Variants in PDE4B observed in about 807,000 individuals in gnomAD.
The protein encoded by PDE4B is 3',5'-cyclic-AMP phosphodiesterase 4B.
A neutral mutation model predicts 82.2 loss-of-function variants in PDE4B; 20 were observed. The ratio of observed to expected loss-of-function variants is 0.24; its 90% CI spans 0.17 to 0.35. PDE4B has a LOEUF of 0.35. PDE4B is among the 10% of genes least tolerant of loss of function. The probability of loss-of-function intolerance (pLI) is 1.00; values close to 1 mark genes in which losing one functional copy is unlikely to be tolerated. For missense variants in PDE4B, 655 were observed against 907.2 expected, an observed-to-expected ratio of 0.72 and a Z score of 3.57; for synonymous variants, 320 against 318.9, an observed-to-expected ratio of 1.00 and a Z score of -0.04.
At chr1:66,264,863 C>A (rs1654922851) in intron 6 of PDE4B, among the ~76,000 whole-genome samples, 2 of 152,108 alleles carry the variant, frequency 1.3e-5, no homozygotes, top group African/African-American at 4.8e-5. Flanking sequence ...CAAGAGAATG[C>A]AAAAAGAAGT....
At position 66,222,770 on chromosome 1, in the gene PDE4B, CTGACA is replaced by C. The variant is rs1651098766; in HGVS notation, c.282-24688_282-24684del. On this transcript the variant is annotated intron_variant, in intron 3 of 16. Transcript: ENST00000341517. ...TAAAAATATGCTCCCAGTTTAGTTC[CTGACA>C]TAAGAATAGACGCTCAAGAAATGTG... 5.3e-5 allele frequency among the ~76,000 whole-genome samples: 8 copies of C among 152,242 alleles called. No homozygotes were observed. In the South Asian group the frequency reaches 1.7e-3, roughly 32 times the overall value.
At chr1:66,126,911 C>G (rs1443799256) in intron 3 of PDE4B, among the ~76,000 whole-genome samples, 1 of 152,190 alleles carries the variant, frequency 6.6e-6, no homozygotes, top group Non-Finnish European at 1.5e-5. Context: ...ACAGGATATA[C>G]TTCAAGCGTG....
intron 3 of PDE4B, among the ~76,000 whole-genome samples, chr1:66,082,093 TTA>T (rs1656771330): frequency 6.6e-6 from 1 of 151,972 alleles, no homozygotes; most frequent in South Asian, 2.1e-4. Context: ...CAGAGGAGCA[TTA>T]AAACAAAGGA....
chr1:66,339,036 A>G (rs929035348), intron 8 of PDE4B, among the ~76,000 whole-genome samples: 5 of 151,716 alleles, frequency 3.3e-5, no homozygotes, highest in South Asian at 2.1e-4. Context: ...AAAAAAAAAA[A>G]AGAGATAAGT....
intron 1 of PDE4B, among the ~76,000 whole-genome samples, chr1:65,910,003 A>C (rs1199397290): frequency 6.6e-6 from 1 of 152,208 alleles, no homozygotes; most frequent in Non-Finnish European, 1.5e-5. Flanking sequence ...GTGATAGGTT[A>C]ATAGTCTTGG....
Position 66,266,080 on chromosome 1 carries a change from C to T in PDE4B, c.627C>T (p.Asn209=), listed in dbSNP as rs753684823. The T allele has an allele frequency of 3.7e-6, 6 of 1,611,414 alleles. No homozygotes were observed. ...GTCAGCCTCCTGTCTCCAGAGTCAACCCACAAGGTAGGCCATGTCATAAGG... is the reference window on the plus strand; with the variant it reads ...GTCAGCCTCCTGTCTCCAGAGTCAATCCACAAGGTAGGCCATGTCATAAGG... ...AASQPPVSRV[N]PQEESYQKLA... is the part of the protein sequence containing the mutation. The change falls in exon 7 of 17, where the codon AAC becomes AAT. Residue 209 remains asparagine (N), a synonymous_variant. Transcript: ENST00000341517.
At chr1:65,875,830 T>G (rs1436280396) in intron 1 of PDE4B, among the ~76,000 whole-genome samples, 2 of 147,804 alleles carry the variant, frequency 1.4e-5, no homozygotes, top group African/African-American at 4.9e-5. Flanking sequence ...AGGGATAGCA[T>G]TGGGAGGTAT....
intron 3 of PDE4B, among the ~76,000 whole-genome samples, chr1:66,125,868 G>A (rs192847080): frequency 8.4e-4 from 128 of 152,256 alleles, no homozygotes; most frequent in Non-Finnish European, 1.5e-3. Flanking sequence ...GTGCAATGGC[G>A]TGTTCTCGAC....
Position 65,947,806 on chromosome 1 carries a change from C to A in PDE4B, c.281+28971C>A, listed in dbSNP as rs561758233. ...TCTAAGACTTTGGAGGGAGCATAGA[C>A]CTGCTGACACCTTATTTTTAGATTT... On this transcript the variant is annotated intron_variant, in intron 3 of 16. Coordinates refer to ENST00000341517, the MANE Select transcript of PDE4B (RefSeq NM_002600.4). Among the ~76,000 whole-genome samples, 28 of 151,834 alleles carry A rather than the reference C, an allele frequency of 1.8e-4. 1 individual carries two copies. Among genetic ancestry groups the A allele is most frequent in the Admixed American group, 1.4e-3 (22 of 15,220 alleles).
At chr1:66,125,071 C>T (rs561042428) in intron 3 of PDE4B, among the ~76,000 whole-genome samples, 68 of 150,706 alleles carry the variant, frequency 4.5e-4, no homozygotes, top group African/African-American at 1.5e-3. Flanking sequence ...TTTTTTGAGA[C>T]GGAGTCTCAA....
chr1:66,128,523 C>G (rs1383088853), intron 3 of PDE4B, among the ~76,000 whole-genome samples: 1 of 152,118 alleles, frequency 6.6e-6, no homozygotes, highest in Non-Finnish European at 1.5e-5. Context: ...GAAGAAACAG[C>G]CTGTTCTAAT....
intron 3 of PDE4B, among the ~76,000 whole-genome samples, chr1:65,941,669 G>A (rs7528604): frequency 0.42 from 64,226 of 151,914 alleles, 13,713 homozygotes; most frequent in South Asian, 0.56. Context: ...ATAATTTTAA[G>A]AATTTGACAC....
chr1:66,099,316 G>T (rs12403149), intron 3 of PDE4B, among the ~76,000 whole-genome samples: 9,482 of 152,140 alleles, frequency 0.062, 426 homozygotes, highest in South Asian at 0.17. Flanking sequence ...TTGTATGGCT[G>T]CATAGTACTC....
At chr1:65,846,313 A>G (rs1370475762) in intron 1 of PDE4B, among the ~76,000 whole-genome samples, 1 of 152,200 alleles carries the variant, frequency 6.6e-6, no homozygotes, top group Non-Finnish European at 1.5e-5. Flanking sequence ...GGGGCTGACA[A>G]CAAACTTCAC....
At chr1:66,114,789 C>G (rs1408672058) in intron 3 of PDE4B, among the ~76,000 whole-genome samples, 1 of 152,112 alleles carries the variant, frequency 6.6e-6, no homozygotes, top group Admixed American at 6.5e-5. Flanking sequence ...GCACACATCA[C>G]CACACCTGGC....
Position 65,925,792 on chromosome 1 carries a change from A to T in PDE4B, c.281+6957A>T, listed in dbSNP as rs781117297. On this transcript the variant is annotated intron_variant, in intron 3 of 16. Coordinates refer to ENST00000341517, the MANE Select transcript of PDE4B (RefSeq NM_002600.4). ...CCATAGAGAATTTGCATTTGATTCT[A>T]TCAGGTCTCTAGGGGCACTGGGGCA... Among the ~76,000 whole-genome samples the T allele has an allele frequency of 4.6e-5, 7 of 152,320 alleles. No homozygotes were observed. In the East Asian group the frequency reaches 1.3e-3, roughly 29 times the overall value.
At chr1:65,961,469 C>T (rs936228704) in intron 3 of PDE4B, among the ~76,000 whole-genome samples, 1 of 152,028 alleles carries the variant, frequency 6.6e-6, no homozygotes, top group South Asian at 2.1e-4. Context: ...TTTTATAGCT[C>T]CTCTTTTATA....
chr1:66,366,284 C>T (rs1206182540), intron 13 of PDE4B, among the ~76,000 whole-genome samples: 2 of 152,092 alleles, frequency 1.3e-5, no homozygotes. Flanking sequence ...CATTTTCTTC[C>T]AACTGCATAG....
chr1:66,072,525 G>A (rs1317223224), intron 3 of PDE4B, among the ~76,000 whole-genome samples: 1 of 152,076 alleles, frequency 6.6e-6, no homozygotes, highest in Non-Finnish European at 1.5e-5. Context: ...CAGCTAGGTG[G>A]CCCTCCAGAC....
Sources: allele counts gnomAD v4.1 joint callset (sites outside exome capture counted in the v4.1 genomes callset), GRCh38; gene constraint gnomAD v4.1.1; transcripts MANE v1.5; gene names NCBI Gene and HGNC (gene_info 2026-07-23, HGNC 2026-07-21).